Variants in ENPP2 observed in about 807,000 individuals in gnomAD.
The protein encoded by ENPP2 is autotaxin.
Under a neutral mutation model 120.2 loss-of-function variants are expected in ENPP2, and 51 were observed. The ratio of observed to expected loss-of-function variants is 0.42; its 90% CI spans 0.34 to 0.54. The LOEUF (loss-of-function observed/expected upper bound fraction) is 0.54, where lower values mean the gene tolerates loss of function less well. ENPP2 is among the 20% of genes least tolerant of loss of function. ENPP2 has a pLI of 0.04. For synonymous variants in ENPP2, 365 were observed against 366.4 expected (o/e 1.00, Z 0.04); for missense variants, 920 against 1,066.5 (o/e 0.86, Z 1.91).
At chr8:119,665,246 TC>T (rs1464283484) in intron 1 of ENPP2, among the ~76,000 whole-genome samples, 1 of 152,204 alleles carries the variant, frequency 6.6e-6, no homozygotes, top group Non-Finnish European at 1.5e-5. Context: ...ACAACATCTT[TC>T]GTTTATTCTA....
At chr8:119,627,075 G>GT (rs1248697194) in intron 2 of ENPP2, among the ~76,000 whole-genome samples, 1 of 151,982 alleles carries the variant, frequency 6.6e-6, no homozygotes, top group Non-Finnish European at 1.5e-5. Context: ...GTGATGATTA[G>GT]TGCCCCTGTG....
At chr8:119,614,951 G>A (rs1815358399) in intron 8 of ENPP2, among the ~76,000 whole-genome samples, 1 of 152,122 alleles carries the variant, frequency 6.6e-6, no homozygotes, top group South Asian at 2.1e-4. Context: ...ATCTGCAGAT[G>A]TACAAGAAGT....
At chr8:119,574,256 C>G (rs1297621492) in intron 19 of ENPP2, among the ~76,000 whole-genome samples, 1 of 152,078 alleles carries the variant, frequency 6.6e-6, no homozygotes. Context: ...AAAAGTCTCT[C>G]TACTCAGGCC....
At chr8:119,642,802 A>G (rs578087604), upstream of ENPP2, among the ~76,000 whole-genome samples, 17 of 152,222 alleles carry the variant, frequency 1.1e-4, no homozygotes, top group Non-Finnish European at 1.9e-4. Context: ...TGCACAGTCT[A>G]TCTTTTCATG....
chr8:119,597,927 T>C (rs1484144255), intron 11 of ENPP2, among the ~76,000 whole-genome samples: 1 of 152,218 alleles, frequency 6.6e-6, no homozygotes, highest in East Asian at 1.9e-4. Flanking sequence ...ATATAGCATT[T>C]TGGTAGTTAA....
At chr8:119,583,239 A>T (rs1294145537) in intron 17 of ENPP2, among the ~76,000 whole-genome samples, 1 of 152,194 alleles carries the variant, frequency 6.6e-6, no homozygotes, top group African/African-American at 2.4e-5. Context: ...CTCCCCCTCT[A>T]ACCACCAGAC....
chr8:119,559,031 G>A lies in ENPP2; in HGVS notation c.2422-1340C>T, dbSNP rs527466725. ...GATGCCTGGCCATCTCAGGCAAAATGAAGAAAGGGGAAGAAATTGCTTTGC... is the reference window on the plus strand; with the variant it reads ...GATGCCTGGCCATCTCAGGCAAAATAAAGAAAGGGGAAGAAATTGCTTTGC... On this transcript the variant is annotated intron_variant, in intron 24 of 24. Transcript: ENST00000075322. Among the ~76,000 whole-genome samples, 50 of 152,310 alleles carry A rather than the reference G, an allele frequency of 3.3e-4. 1 individual carries two copies. The South Asian group carries it at 0.01, about 32-fold the overall frequency.
rs1305560507 is a variant in ENPP2, at chr8:119,584,021, A to G, written c.1396T>C (p.Ser466Pro). Residue 466 changes from serine (S) to proline (P), a missense_variant, in exon 16 of 25, where the codon TCA (serine) becomes CCA (proline). Physicochemically the swap from Ser to Pro is moderately conservative, Grantham distance 74. Coordinates refer to ENST00000075322, the MANE Select transcript of ENPP2 (RefSeq NM_001040092.3). ...RKPLDVYKKP[S>P]GKCFFQGDHG... ...TCTCCCTGGAAAAAGCATTTTCCTG[A>G]TGGTTTCTTATAAACATCCAAAGGT... is the stretch of plus-strand genomic sequence containing the variant. 6.2e-7 allele frequency: 1 copy of G among 1,612,642 alleles called. No homozygotes were observed. The highest frequency in any genetic ancestry group is 1.7e-5 in the Admixed American group (1 of 60,010).
chr8:119,611,844 A>G (rs2130665776), intron 8 of ENPP2, among the ~76,000 whole-genome samples: 1 of 152,164 alleles, frequency 6.6e-6, no homozygotes, highest in African/African-American at 2.4e-5. Flanking sequence ...TGGTTGACAT[A>G]GTGAAACGCC....
chr8:119,605,594 G>A (rs995444572), intron 9 of ENPP2, among the ~76,000 whole-genome samples: 4 of 151,288 alleles, frequency 2.6e-5, no homozygotes, highest in Admixed American at 2.0e-4. Flanking sequence ...CCAGGTAGCT[G>A]GGATTACAGA....
chr8:119,637,769 T>C (rs1466136006), intron 2 of ENPP2, among the ~76,000 whole-genome samples: 1 of 152,180 alleles, frequency 6.6e-6, no homozygotes, highest in East Asian at 1.9e-4. Flanking sequence ...ATAAGAACAC[T>C]GTATGGGAAC....
intron 9 of ENPP2, among the ~76,000 whole-genome samples, chr8:119,604,037 G>A (rs1400159399): frequency 8.2e-6 from 1 of 121,872 alleles, no homozygotes; most frequent in African/African-American, 3.1e-5. Context: ...TTTTTTGGTT[G>A]TTGTTGTTGA....
chr8:119,669,514 A>G (rs1016633088), intron 1 of ENPP2, among the ~76,000 whole-genome samples: 3 of 152,246 alleles, frequency 2.0e-5, no homozygotes, highest in East Asian at 1.9e-4. Context: ...ATCAGCACAC[A>G]TGATATTGGG....
In ENPP2 at chr8:119,564,842, T is replaced by C; in HGVS notation, c.2245A>G (p.Thr749Ala). The C allele has an allele frequency of 6.2e-7, 1 of 1,613,514 alleles. No homozygotes were observed. The highest frequency in any genetic ancestry group is 8.5e-7 in the Non-Finnish European group (1 of 1,179,704). Residue 749 changes from threonine to alanine, a missense_variant, in exon 23 of 25, where the codon ACA becomes GCA. Physicochemically the swap from Thr to Ala is moderately conservative, Grantham distance 58. Coordinates refer to ENST00000075322, the MANE Select transcript of ENPP2 (RefSeq NM_001040092.3). ...GCTTACTGTTTTATTTTGTCTTCTG[T>C]GTCATGTAAGCCATCATAGTCATAG... ...FDYDYDGLHDTEDKIKQYVEG... is the reference protein window; with the variant it reads ...FDYDYDGLHDAEDKIKQYVEG...
chr8:119,638,916 C>A, upstream of ENPP2: 2 of 1,079,004 alleles, frequency 1.9e-6, no homozygotes, highest in South Asian at 2.6e-5. Flanking sequence ...CTGATTTGTC[C>A]AGAGCTTGAT....
chr8:119,655,894 T>G (rs1817754862), intron 1 of ENPP2, among the ~76,000 whole-genome samples: 1 of 152,216 alleles, frequency 6.6e-6, no homozygotes, highest in African/African-American at 2.4e-5. Flanking sequence ...TTTATTACTA[T>G]TAAAAGAAAC....
intron 10 of ENPP2, 81 bp from the exon 11 acceptor site, chr8:119,600,831 T>A (rs1814247547): frequency 1.7e-5 from 14 of 822,056 alleles, no homozygotes; most frequent in Admixed American, 2.3e-5. Context: ...AAAACGCATT[T>A]AAAAAAAAAT....
At chr8:119,625,045 T>G (rs1265732626) in intron 3 of ENPP2, among the ~76,000 whole-genome samples, 1 of 152,094 alleles carries the variant, frequency 6.6e-6, no homozygotes, top group African/African-American at 2.4e-5. Context: ...TAAGCTAGAG[T>G]CAGGGATTCA....
At chr8:119,646,520 C>T (rs1235064102) in intron 1 of ENPP2, among the ~76,000 whole-genome samples, 1 of 152,162 alleles carries the variant, frequency 6.6e-6, no homozygotes, top group Non-Finnish European at 1.5e-5. Context: ...GCTGCTTAAC[C>T]AGGCTCATAG....
Sources: gnomAD v4.1 joint callset for allele counts (sites outside exome capture counted in the v4.1 genomes callset) on GRCh38, gnomAD v4.1.1 for gene constraint, MANE v1.5 for transcripts, NCBI Gene and HGNC (gene_info 2026-07-23, HGNC 2026-07-21) for gene names.